Variants in DCDC2C observed in about 807,000 individuals in gnomAD.
DCDC2C encodes the protein doublecortin domain-containing protein 2C.
DCDC2C carries 44 observed loss-of-function variants against 45.0 expected under a neutral mutation model. The ratio of observed to expected loss-of-function variants is 0.98; its 90% CI spans 0.77 to 1.26. The LOEUF is 1.26. Among genes scored for constraint, DCDC2C ranks in the 50% most tolerant of loss-of-function variants. The probability of loss-of-function intolerance (pLI) is 0.00; values close to 1 mark genes in which losing one functional copy is unlikely to be tolerated. For synonymous variants in DCDC2C, 187 were observed against 178.8 expected (o/e 1.05, Z -0.37); for missense variants, 447 against 468.9 (o/e 0.95, Z 0.43).
chr2:3,760,854 A>AG (rs397830150), intron 6 of DCDC2C, among the ~76,000 whole-genome samples: 1 of 151,596 alleles, frequency 6.6e-6, no homozygotes, highest in Admixed American at 6.6e-5. Flanking sequence ...ATAAAAAAAA[A>AG]GCCCATTTCC....
At chr2:3,717,852 C>T (rs1333418568) in intron 2 of DCDC2C, among the ~76,000 whole-genome samples, 1 of 152,206 alleles carries the variant, frequency 6.6e-6, no homozygotes, top group African/African-American at 2.4e-5. Flanking sequence ...GGGTTTTGTG[C>T]ATGCTGTTCC....
chr2:3,799,878 A>T (rs1177145551), intron 10 of DCDC2C, among the ~76,000 whole-genome samples: 1 of 152,194 alleles, frequency 6.6e-6, no homozygotes, highest in Non-Finnish European at 1.5e-5. Context: ...GGCCTCCTTG[A>T]GCTGTGATGG....
chr2:3,781,792 C>T (rs1020476895), intron 9 of DCDC2C, among the ~76,000 whole-genome samples: 2 of 152,080 alleles, frequency 1.3e-5, no homozygotes, highest in African/African-American at 2.4e-5. Context: ...ATTGCTTGGG[C>T]CCAGGAGGTT....
intron 7 of DCDC2C, 39 bp downstream of exon 7, chr2:3,767,919 C>G (rs1331016951): frequency 4.3e-6 from 6 of 1,399,166 alleles, no homozygotes; most frequent in African/African-American, 1.5e-5. Context: ...CAGTTCGAAA[C>G]TTTACCAGGC....
At chr2:3,709,129 A>G (rs1293598796) in intron 2 of DCDC2C, among the ~76,000 whole-genome samples, 2 of 152,226 alleles carry the variant, frequency 1.3e-5, no homozygotes, top group Admixed American at 1.3e-4. Flanking sequence ...TAAAAACCAC[A>G]GTTTTAAGCC....
chr2:3,780,248 T>C (rs1462590947), intron 9 of DCDC2C, among the ~76,000 whole-genome samples: 1 of 152,202 alleles, frequency 6.6e-6, no homozygotes, highest in African/African-American at 2.4e-5. Flanking sequence ...TTACCTGGCT[T>C]ACCCTCAAGG....
At chr2:3,793,367 C>CG (rs1670874474) in intron 10 of DCDC2C, among the ~76,000 whole-genome samples, 1 of 152,214 alleles carries the variant, frequency 6.6e-6, no homozygotes. Context: ...CCTTCTGCAT[C>CG]GGAAGCCTGT....
chr2:3,709,967 C>T (rs1337551350), intron 2 of DCDC2C, among the ~76,000 whole-genome samples: 1 of 152,178 alleles, frequency 6.6e-6, no homozygotes, highest in Non-Finnish European at 1.5e-5. Flanking sequence ...TGGCCTTGTC[C>T]TCCTAGGGCA....
chr2:3,846,421 CTT>C (rs1672331179), intron 10 of DCDC2C, among the ~76,000 whole-genome samples: 1 of 152,046 alleles, frequency 6.6e-6, no homozygotes, highest in African/African-American at 2.4e-5. Flanking sequence ...CGTCTGGCTA[CTT>C]TTCTTTTTTT....
chr2:3,737,782 C>A (rs752074017), intron 3 of DCDC2C, among the ~76,000 whole-genome samples: 2 of 152,168 alleles, frequency 1.3e-5, no homozygotes, highest in Non-Finnish European at 2.9e-5. Flanking sequence ...CATCGCCAAC[C>A]CACCTGACCA....
Position 3,782,495 on chromosome 2 carries a change from TC to T in DCDC2C, c.1024-2563del, listed in dbSNP as rs1194286147. The stretch of plus-strand genomic sequence containing the variant: ...TTTCTTCAGTTCTTTTTTTTTTTTT[TC>T]GAGACGAAGTCTTGCTCTGTTGCCC... On this transcript the variant is annotated intron_variant, in intron 9 of 10. Coordinates refer to ENST00000399143, the MANE Select transcript of DCDC2C (RefSeq NM_001287444.2). Among the ~76,000 whole-genome samples, 80 of 147,476 alleles carry T rather than the reference TC, an allele frequency of 5.4e-4. 1 individual carries two copies. The highest frequency in any genetic ancestry group is 3.6e-3 in the Middle Eastern group (1 of 278).
At chr2:3,770,786 A>G (rs1461095679) in intron 8 of DCDC2C, among the ~76,000 whole-genome samples, 1 of 152,234 alleles carries the variant, frequency 6.6e-6, no homozygotes, top group East Asian at 1.9e-4. Flanking sequence ...TTTGCGTATA[A>G]TAAGCATATT....
chr2:3,820,582 T>C (rs757494484), intron 10 of DCDC2C, among the ~76,000 whole-genome samples: 3 of 152,122 alleles, frequency 2.0e-5, no homozygotes, highest in Non-Finnish European at 4.4e-5. Context: ...CCCACAGTGA[T>C]TAAACACCAA....
chr2:3,724,350 C>T lies in DCDC2C; in HGVS notation c.340-2653C>T, dbSNP rs754536910. ...GGCATTGTAGGATCCCAGGGAGGTG[C>T]CAGAGTGGCCTCTCTGCAGTGACTG... On this transcript the variant is annotated intron_variant, in intron 2 of 10. Transcript: ENST00000399143. 8.7e-4 allele frequency among the ~76,000 whole-genome samples: 132 copies of T among 152,274 alleles called. 1 individual carries two copies. The highest frequency in any genetic ancestry group is 1.2e-3 in the Non-Finnish European group (82 of 68,024).
In DCDC2C at chr2:3,841,132, A is replaced by G. The variant is rs531288947; in HGVS notation, c.1066-6022A>G. ...TGCATTTATTCTTATAATATTTTGT[A>G]AAGAAAAGCTCGTGAAACTTGTGAT... On this transcript the variant is annotated intron_variant, in intron 10 of 10. Coordinates refer to ENST00000399143, the MANE Select transcript of DCDC2C (RefSeq NM_001287444.2). 3.5e-3 allele frequency among the ~76,000 whole-genome samples: 526 copies of G among 152,332 alleles called. 1 individual carries two copies. Among genetic ancestry groups the G allele is most frequent in the Admixed American group, 5.5e-3 (84 of 15,304 alleles).
At chr2:3,752,962 A>G (rs1182391193) in intron 5 of DCDC2C, 62 bp downstream of exon 5, 3 of 1,509,572 alleles carry the variant, frequency 2.0e-6, no homozygotes, top group East Asian at 2.5e-5. Context: ...TTTCCCCAGT[A>G]TCTCTCCCAA....
intron 10 of DCDC2C, among the ~76,000 whole-genome samples, chr2:3,821,917 G>T (rs890082201): frequency 6.6e-6 from 1 of 152,214 alleles, no homozygotes; most frequent in Middle Eastern, 3.4e-3. Flanking sequence ...GAGTTGGATG[G>T]TCATTACCAC....
At chr2:3,821,861 A>T (rs768224654) in intron 10 of DCDC2C, among the ~76,000 whole-genome samples, 78 of 152,342 alleles carry the variant, frequency 5.1e-4, no homozygotes, top group Middle Eastern at 3.4e-3. Flanking sequence ...ATGCCATCAA[A>T]ATGACCCTTT....
intron 10 of DCDC2C, among the ~76,000 whole-genome samples, chr2:3,792,607 G>A (rs1032200521): frequency 6.6e-6 from 1 of 152,074 alleles, no homozygotes; most frequent in Non-Finnish European, 1.5e-5. Context: ...TGGTAACATA[G>A]ACCTGGTTGT....
Sources: gnomAD v4.1 joint callset for allele counts (sites outside exome capture counted in the v4.1 genomes callset) on GRCh38, gnomAD v4.1.1 for gene constraint, MANE v1.5 for transcripts, NCBI Gene and HGNC (gene_info 2026-07-23, HGNC 2026-07-21) for gene names.